Variants in TNXB observed in about 807,000 individuals in gnomAD.
TNXB encodes tenascin XB, also known as tenascin-X.
A neutral mutation model predicts 340.5 loss-of-function variants in TNXB; 183 were observed. The ratio of observed to expected loss-of-function variants is 0.54; its 90% CI spans 0.48 to 0.61. TNXB has a LOEUF of 0.61. TNXB is among the 20% of genes least tolerant of loss of function. The probability of loss-of-function intolerance (pLI) is 0.00; values close to 1 mark genes in which losing one functional copy is unlikely to be tolerated. For synonymous variants in TNXB, 2,121 were observed against 2,314.5 expected (o/e 0.92, Z 2.40); for missense variants, 4,613 against 5,446.4 (o/e 0.85, Z 4.82).
At chr6:32,094,549 C>A (rs926434175) in intron 4 of TNXB, among the ~76,000 whole-genome samples, 2 of 151,976 alleles carry the variant, frequency 1.3e-5, no homozygotes, top group Non-Finnish European at 2.9e-5. Flanking sequence ...ATTTTGGGGG[C>A]ACATGAAAAA....
intron 1 of TNXB, among the ~76,000 whole-genome samples, chr6:32,106,589 C>T (rs988828576): frequency 2.2e-4 from 34 of 152,188 alleles, no homozygotes; most frequent in African/African-American, 7.5e-4. Context: ...GGGCTACCAG[C>T]CATCACATTC....
At position 32,089,257 on chromosome 6, in the gene TNXB, G is replaced by T. The variant is rs3134960; in HGVS notation, c.2481C>A (p.Ser827Arg). 4 of 1,606,506 alleles carry T rather than the reference G, an allele frequency of 2.5e-6. No individual in the cohort carries two copies. The highest frequency in any genetic ancestry group is 1.3e-5 in the African/African-American group (1 of 75,014). ...QVTVRALRGT[S>R]WGLPASKTIT... The stretch of plus-strand genomic sequence containing the variant: ...TGGTCTTGGAGGCAGGAAGGCCCCA[G>T]CTGGTCCCTCGAAGGGCTCGGACAG... Residue 827 changes from serine to arginine, a missense_variant, in exon 5 of 44, where the codon AGC becomes AGA. Ser to Arg is a moderately radical substitution (Grantham distance 110). Coordinates refer to ENST00000644971, the MANE Select transcript of TNXB (RefSeq NM_001365276.2). This position sits in a 1 kb window ranked among gnomAD's most constrained non-coding sequence, Gnocchi z 6.2.
At chr6:32,107,332 G>A (rs1781033790) in intron 1 of TNXB, among the ~76,000 whole-genome samples, 1 of 152,128 alleles carries the variant, frequency 6.6e-6, no homozygotes, top group Non-Finnish European at 1.5e-5. Context: ...TGGAAAGCTG[G>A]TGAGATTGGT....
At chr6:32,077,950 C>T (rs903819592) in intron 11 of TNXB, among the ~76,000 whole-genome samples, 7 of 150,536 alleles carry the variant, frequency 4.7e-5, no homozygotes, top group Non-Finnish European at 1.0e-4. Flanking sequence ...TCACTTGAAC[C>T]TGGGAGGCAA....
intron 4 of TNXB, among the ~76,000 whole-genome samples, chr6:32,094,239 C>G (rs1780211918): frequency 6.7e-6 from 1 of 149,690 alleles, no homozygotes. Flanking sequence ...CAGCTTGGCC[C>G]AAACCAAAAA....
Position 32,084,316 on chromosome 6 carries a change from A to C in TNXB, c.3445+97T>G, listed in dbSNP as rs1582446847. 3 of 1,035,612 alleles carry C rather than the reference A, an allele frequency of 2.9e-6. No individual in the cohort carries two copies. Among genetic ancestry groups the C allele is most frequent in the Non-Finnish European group, 1.3e-6 (1 of 761,944 alleles). 64.2% of individuals were successfully genotyped at this position (1,035,612 alleles called of 1,614,324 possible). Reference sequence around the variant, plus strand: ...ATTCAGCTCATGCACCACTGCCTCCAGGAAGCCTTCCCGGAGCTCCCAAAG... The same window carrying C: ...ATTCAGCTCATGCACCACTGCCTCCCGGAAGCCTTCCCGGAGCTCCCAAAG... On this transcript the variant is annotated intron_variant, in intron 8 of 43. Transcript: ENST00000644971. The surrounding 1 kb of genome is among the most constrained non-coding windows in gnomAD (Gnocchi z 5.5).
rs1329213648 is a variant in TNXB, at chr6:32,079,748, G to C, written c.4043-383C>G. Among the ~76,000 whole-genome samples, 1 of 152,206 alleles carries C rather than the reference G, an allele frequency of 6.6e-6. No homozygotes were observed. Among genetic ancestry groups the C allele is most frequent in the East Asian group, 1.9e-4 (1 of 5,196 alleles). ...CCCCTCATATGAGGATCTGACCATGGAATGTGCTCTTGCTGTGGCCTCCCC... is the reference window on the plus strand; with the variant it reads ...CCCCTCATATGAGGATCTGACCATGCAATGTGCTCTTGCTGTGGCCTCCCC... On this transcript the variant is annotated intron_variant, in intron 10 of 43. Coordinates refer to ENST00000644971, the MANE Select transcript of TNXB (RefSeq NM_001365276.2). The surrounding 1 kb of genome is among the most constrained non-coding windows in gnomAD (Gnocchi z 7.1).
rs202211608 is a variant in TNXB at position 32,056,775 on chromosome 6, C to T, written c.7954G>A (p.Glu2652Lys). Residue 2652 changes from glutamate (E) to lysine (K), a missense_variant, in exon 23 of 44, where the codon GAG becomes AAG. This residue lies in a region of TNXB where 4,327 missense variants were observed against 4,859.4 expected (regional missense o/e 0.89). Coordinates refer to ENST00000644971, the MANE Select transcript of TNXB (RefSeq NM_001365276.2). ...ACCAGGAAGTGGTCAAACTGGCCCT[C>T]GGGAACCGTCCAGGACAGGCTGAGG... is the stretch of plus-strand genomic sequence containing the variant. Reference protein sequence around the residue: ...DSLSLSWTVPEGQFDHFLVQY... With the variant: ...DSLSLSWTVPKGQFDHFLVQY... 655 of 1,613,274 alleles carry T rather than the reference C, an allele frequency of 4.1e-4. 18 individuals carry two copies. The highest frequency in any genetic ancestry group is 4.0e-3 in the East Asian group (178 of 44,866).
chr6:32,088,885 C>T lies in TNXB; in HGVS notation c.2679G>A (p.Thr893=), dbSNP rs1349120818. Residue 893 remains threonine, a synonymous_variant, in exon 6 of 44, where the codon ACG becomes ACA. Transcript: ENST00000644971. ...RLEVPPEADG[T]LLTDLMPGVE... ...CGCCTGGCATCAGGTCAGTCAGCAG[C>T]GTCCCGTCTGCTTCAGGGGGCACTT... is the stretch of plus-strand genomic sequence containing the variant. 2.5e-6 allele frequency: 4 copies of T among 1,588,260 alleles called. No individual in the cohort carries two copies. Among genetic ancestry groups the T allele is most frequent in the South Asian group, 1.1e-5 (1 of 87,354 alleles).
rs1473295112 is a variant in TNXB at position 32,081,456 on chromosome 6, G to A, written c.3954C>T (p.Gly1318=). The A allele has an allele frequency of 3.8e-6, 6 of 1,590,084 alleles. No individual in the cohort carries two copies. In the South Asian group the frequency reaches 6.9e-5, roughly 18 times the overall value. The stretch of plus-strand genomic sequence containing the variant: ...TCTTATACTTCCGGTCGGGATCCAG[G>A]CCGGGGACAGTAACCTCATTCTCAT... ...AGDENEVTVP[G]LDPDRKYKMN... The change falls in exon 10 of 44, where the codon GGC becomes GGT. Residue 1318 remains glycine (G), a synonymous_variant. Transcript: ENST00000644971. The surrounding 1 kb of genome is among the most constrained non-coding windows in gnomAD (Gnocchi z 5.1).
rs1035412800 is a variant in TNXB, at chr6:32,108,850, C to T, written c.-9+331G>A. ...AGCACCTCCAGGGCCCAGGGGCTCA[C>T]CTCACCAATAACCACCTCTACCCTG... On this transcript the variant is annotated intron_variant, in intron 1 of 43. Coordinates refer to ENST00000644971, the MANE Select transcript of TNXB (RefSeq NM_001365276.2). This position sits in a 1 kb window ranked among gnomAD's most constrained non-coding sequence, Gnocchi z 4.8. Among the ~76,000 whole-genome samples the T allele has an allele frequency of 6.6e-6, 1 of 152,148 alleles. No individual in the cohort carries two copies. Among genetic ancestry groups the T allele is most frequent in the Non-Finnish European group, 1.5e-5 (1 of 68,022 alleles).
At chr6:32,065,691 C>G (rs1582396858) in intron 18 of TNXB, among the ~76,000 whole-genome samples, 1 of 152,294 alleles carries the variant, frequency 6.6e-6, no homozygotes, top group South Asian at 2.1e-4. Context: ...GCGATCTTGG[C>G]TCACTGCAAC....
At position 32,045,863 on chromosome 6, in the gene TNXB, G is replaced by T. The variant is rs142678597; in HGVS notation, c.10606+312C>A. The stretch of plus-strand genomic sequence containing the variant: ...GGGAGGTTTGCCGCTATCTGGACAA[G>T]GCCACCCTTCGGGGAGGCGACAGCA... On this transcript the variant is annotated intron_variant, in intron 31 of 43. Transcript: ENST00000644971. 4,927 of 1,160,116 alleles carry T rather than the reference G, an allele frequency of 4.2e-3. 170 individuals carry two copies. The South Asian group carries it at 0.085, about 20-fold the overall frequency. 71.9% of individuals were successfully genotyped at this position (1,160,116 alleles called of 1,614,324 possible). A position where few individuals can be genotyped will look rare whatever the true frequency, so the allele number is the denominator to read the frequency against.
rs1454903699 is a variant in TNXB at position 32,061,577 on chromosome 6, A to G, written c.7312T>C (p.Phe2438Leu). The G allele has an allele frequency of 5.6e-6, 9 of 1,613,170 alleles. No individual in the cohort carries two copies. The highest frequency in any genetic ancestry group is 2.2e-5 in the East Asian group (1 of 44,890). ...TTGTACTGCACGGTGAAGGAGTCGA[A>G]GCGGCCCTGGGGGACGGTCCAGGAG... is the stretch of plus-strand genomic sequence containing the variant. ...SLSWTVPQGR[F>L]DSFTVQYKDR... The change falls in exon 21 of 44, where the codon TTC (phenylalanine) becomes CTC (leucine). Residue 2438 changes from phenylalanine (F) to leucine (L), a missense_variant. Transcript: ENST00000644971. The surrounding 1 kb of genome is among the most constrained non-coding windows in gnomAD (Gnocchi z 4.4).
intron 1 of TNXB, among the ~76,000 whole-genome samples, chr6:32,105,039 C>T (rs1780910647): frequency 6.6e-6 from 1 of 152,148 alleles, no homozygotes; most frequent in Non-Finnish European, 1.5e-5. Context: ...TCCAAATTCT[C>T]TTAGAACACT....
Position 32,052,726 on chromosome 6 carries a change from A to G in TNXB, c.9059T>C (p.Leu3020Pro), listed in dbSNP as rs778933613. 1 of 1,613,808 alleles carries G rather than the reference A, an allele frequency of 6.2e-7. No homozygotes were observed. Among genetic ancestry groups the G allele is most frequent in the Non-Finnish European group, 8.5e-7 (1 of 1,179,868 alleles). ...GCGCTGCCCCTCGTGGAGGCCGTAC[A>G]GGTGCATCTTGTATTTGCACCCGGG... is the stretch of plus-strand genomic sequence containing the variant. Reference protein sequence around the residue: ...LEPGCKYKMHLYGLHEGQRVG... With the variant: ...LEPGCKYKMHPYGLHEGQRVG... Residue 3020 changes from leucine (L) to proline (P), a missense_variant, in exon 26 of 44, where the codon CTG becomes CCG. Transcript: ENST00000644971. The surrounding 1 kb of genome is among the most constrained non-coding windows in gnomAD (Gnocchi z 4.7).
rs1288800874 is a variant in TNXB at position 32,085,712 on chromosome 6, A to G, written c.3148+38T>C. The G allele has an allele frequency of 3.4e-6, 5 of 1,490,286 alleles. No homozygotes were observed. Among genetic ancestry groups the G allele is most frequent in the South Asian group, 2.9e-5 (2 of 68,440 alleles). 92.3% of individuals were successfully genotyped at this position (1,490,286 alleles called of 1,614,324 possible). A position where few individuals can be genotyped will look rare whatever the true frequency, so the allele number is the denominator to read the frequency against. ...CCCAATAACCCCAGCTCCTCCCCCA[A>G]TCTCAGGATATTGATCTGAGCAGAG... On this transcript the variant is annotated intron_variant, in intron 7 of 43. Coordinates refer to ENST00000644971, the MANE Select transcript of TNXB (RefSeq NM_001365276.2). This position sits in a 1 kb window ranked among gnomAD's most constrained non-coding sequence, Gnocchi z 6.4.
chr6:32,100,850 A>T (rs1257345797), intron 1 of TNXB, among the ~76,000 whole-genome samples: 1 of 151,982 alleles, frequency 6.6e-6, no homozygotes, highest in African/African-American at 2.4e-5. Flanking sequence ...GGGAGGCTGA[A>T]GTGGGCGGAT....
In TNXB at chr6:32,095,920, G is replaced by T. The variant is rs1244100394; in HGVS notation, c.1933C>A (p.Pro645Thr). The change falls in exon 3 of 44, where the codon CCT becomes ACT. Residue 645 changes from proline (P) to threonine (T), a missense_variant. This residue lies in a region of TNXB where 4,327 missense variants were observed against 4,859.4 expected (regional missense o/e 0.89). Transcript: ENST00000644971. Reference sequence around the variant, plus strand: ...GGGCACATGCGGGTGGCACAGGTAGGGCCGGTGTAGCCTGGGTCGCACAGG... The same window carrying T: ...GGGCACATGCGGGTGGCACAGGTAGTGCCGGTGTAGCCTGGGTCGCACAGG... ...RCLCDPGYTG[P>T]TCATRMCPAD... 1.9e-6 allele frequency: 3 copies of T among 1,612,654 alleles called. No homozygotes were observed. In the African/African-American group the frequency reaches 4.0e-5, roughly 22 times the overall value.
Sources: gnomAD v4.1 joint callset for allele counts (sites outside exome capture counted in the v4.1 genomes callset) on GRCh38, gnomAD v4.1.1 for gene constraint, gnomAD v4.1.1 regional missense constraint, Gnocchi (gnomAD v3.1) non-coding constraint, MANE v1.5 for transcripts, NCBI Gene and HGNC (gene_info 2026-07-23, HGNC 2026-07-21) for gene names.